The following GABRB3 variants were observed in gnomAD, a reference collection of about 807,000 sequenced individuals.
The protein encoded by GABRB3 is gamma-aminobutyric acid receptor subunit beta-3.
Under a neutral mutation model 52.1 loss-of-function variants are expected in GABRB3, and 14 were observed. The observed-to-expected ratio is 0.27, with a 90% CI of 0.18 to 0.42. The LOEUF is 0.42. Among genes scored for constraint, GABRB3 ranks in the 10% least tolerant of loss-of-function variants. The pLI is 1.00. For synonymous variants in GABRB3, 260 were observed against 232.3 expected, an observed-to-expected ratio of 1.12 and a Z score of -1.08; for missense variants, 307 against 609.1, an observed-to-expected ratio of 0.50 and a Z score of 5.22.
At chr15:26,577,705 T>C (rs1369599957) in intron 6 of GABRB3, among the ~76,000 whole-genome samples, 2 of 152,100 alleles carry the variant, frequency 1.3e-5, no homozygotes, top group Non-Finnish European at 2.9e-5. Flanking sequence ...TCCCATAAGA[T>C]TATAGGGGAG....
At chr15:26,674,127 C>T (rs1028294332) in intron 3 of GABRB3, among the ~76,000 whole-genome samples, 4 of 150,142 alleles carry the variant, frequency 2.7e-5, no homozygotes, top group African/African-American at 7.4e-5. Context: ...GCTAGCAGGG[C>T]GCAGTGGCTC....
intron 3 of GABRB3, among the ~76,000 whole-genome samples, chr15:26,718,218 A>ATTTT (rs1267904032): frequency 1.3e-5 from 2 of 151,736 alleles, no homozygotes; most frequent in East Asian, 3.9e-4. Context: ...TTATTTATTT[A>ATTTT]TTTTTTTGGG....
At chr15:26,609,173 T>C (rs1013786445) in intron 4 of GABRB3, among the ~76,000 whole-genome samples, 17 of 151,566 alleles carry the variant, frequency 1.1e-4, no homozygotes, top group African/African-American at 3.9e-4. Flanking sequence ...GAAAAAAATT[T>C]TGTCAGTTGG....
At position 26,635,095 on chromosome 15, in the gene GABRB3, C is replaced by T. The variant is rs190488448; in HGVS notation, c.241-13561G>A. On this transcript the variant is annotated intron_variant, in intron 3 of 8. Transcript: ENST00000311550. ...TAATCAAAGCCATAGTTTTATTTTC[C>T]GGCAACTATCTTTAATTAAGAGAAT... Among the ~76,000 whole-genome samples the T allele has an allele frequency of 2.1e-3, 297 of 144,194 alleles. 2 individuals are homozygous for T. Among genetic ancestry groups the T allele is most frequent in the African/African-American group, 7.1e-3 (276 of 38,976 alleles). The allele number at this position is 144,194 out of a possible 152,430, so 94.6% of individuals were successfully genotyped here. A position where few individuals can be genotyped will look rare whatever the true frequency, so the allele number is the denominator to read the frequency against.
chr15:26,560,750 TTGAGCAAC>T, intron 8 of GABRB3, among the ~76,000 whole-genome samples, 174 bp downstream of exon 8: 1 of 152,294 alleles, frequency 6.6e-6, no homozygotes. Flanking sequence ...CTGGACTGGT[TTGAGCAAC>T]CCCTGAATAA....
chr15:26,661,019 CA>C (rs1887525797), intron 3 of GABRB3, among the ~76,000 whole-genome samples: 1 of 152,012 alleles, frequency 6.6e-6, no homozygotes, highest in African/African-American at 2.4e-5. Flanking sequence ...CTCCTGGACT[CA>C]AGTGATCCTC....
intron 3 of GABRB3, chr15:26,716,477 A>T: frequency 2.0e-6 from 1 of 508,272 alleles, no homozygotes; most frequent in Non-Finnish European, 2.5e-6. Flanking sequence ...ACCCATCTTC[A>T]CAATTGCCAT....
chr15:26,615,766 C>G, intron 4 of GABRB3: 2 of 1,133,126 alleles, frequency 1.8e-6, no homozygotes, highest in Non-Finnish European at 2.2e-6. Flanking sequence ...AGCTAAGTGG[C>G]GACTGACCTA....
At position 26,744,538 on chromosome 15, in the gene GABRB3, G is replaced by A. The variant is rs548612439; in HGVS notation, c.240+27864C>T. On this transcript the variant is annotated intron_variant, in intron 3 of 8. Coordinates refer to ENST00000311550, the MANE Select transcript of GABRB3 (RefSeq NM_000814.6). The stretch of plus-strand genomic sequence containing the variant: ...CCTCCTGGGTTCAAGCAATTCTCCT[G>A]CTTCAGCTTCCCGAGTACCTGGGAT... 7.9e-5 allele frequency among the ~76,000 whole-genome samples: 12 copies of A among 152,098 alleles called. No homozygotes were observed. In the East Asian group the frequency reaches 2.3e-3, roughly 29 times the overall value.
intron 3 of GABRB3, among the ~76,000 whole-genome samples, chr15:26,732,770 C>A (rs1419111082): frequency 3.3e-5 from 5 of 152,156 alleles, no homozygotes; most frequent in Admixed American, 3.3e-4. Context: ...GCAGGTGGAT[C>A]GCGAGGTCAG....
chr15:26,570,747 C>A (rs566866720), intron 6 of GABRB3, among the ~76,000 whole-genome samples: 1 of 152,144 alleles, frequency 6.6e-6, no homozygotes, highest in South Asian at 2.1e-4. Flanking sequence ...GTCAAAGCCC[C>A]ATCTTCCATG....
At chr15:26,737,352 T>C (rs751537104) in intron 3 of GABRB3, among the ~76,000 whole-genome samples, 3 of 152,206 alleles carry the variant, frequency 2.0e-5, no homozygotes, top group Non-Finnish European at 2.9e-5. Flanking sequence ...TTTTGTTTCT[T>C]TGACTATATA....
chr15:26,667,214 C>A (rs975632408), intron 3 of GABRB3, among the ~76,000 whole-genome samples: 1 of 152,198 alleles, frequency 6.6e-6, no homozygotes, highest in East Asian at 1.9e-4. Context: ...GGCGCAGCCA[C>A]GATTCCAGCC....
At chr15:26,631,147 A>G (rs755618667) in intron 3 of GABRB3, among the ~76,000 whole-genome samples, 1 of 152,184 alleles carries the variant, frequency 6.6e-6, no homozygotes, top group Non-Finnish European at 1.5e-5. Context: ...AGCCACCCAC[A>G]AGTGAAGCAT....
chr15:26,674,051 A>G (rs1887979957), intron 3 of GABRB3, among the ~76,000 whole-genome samples: 1 of 150,978 alleles, frequency 6.6e-6, no homozygotes, highest in Admixed American at 6.6e-5. Flanking sequence ...AATCAATCAC[A>G]TATTTAACCC....
chr15:26,670,555 G>A (rs955953318), intron 3 of GABRB3, among the ~76,000 whole-genome samples: 1 of 152,190 alleles, frequency 6.6e-6, no homozygotes, highest in African/African-American at 2.4e-5. Context: ...GCCAGCTCTC[G>A]AGCCGCGCGG....
chr15:26,553,820 A>C (rs1889573266), intron 8 of GABRB3, among the ~76,000 whole-genome samples: 1 of 151,760 alleles, frequency 6.6e-6, no homozygotes, highest in African/African-American at 2.4e-5. Context: ...ATGAGACCTT[A>C]AATAATCAAC....
intron 4 of GABRB3, among the ~76,000 whole-genome samples, chr15:26,619,966 C>T (rs1327476425): frequency 1.3e-5 from 2 of 151,986 alleles, no homozygotes; most frequent in African/African-American, 2.4e-5. Flanking sequence ...TCAACACACA[C>T]CCACAGACAC....
intron 4 of GABRB3, among the ~76,000 whole-genome samples, chr15:26,617,407 A>C (rs1180091993): frequency 1.3e-5 from 2 of 151,636 alleles, no homozygotes; most frequent in Non-Finnish European, 2.9e-5. Flanking sequence ...GAACCAAAGA[A>C]AAAAACCACA....
Sources: allele counts gnomAD v4.1 joint callset (sites outside exome capture counted in the v4.1 genomes callset), GRCh38; gene constraint gnomAD v4.1.1; transcripts MANE v1.5; gene names NCBI Gene and HGNC (gene_info 2026-07-23, HGNC 2026-07-21).